CD1B: variants seen among roughly 807,000 people sequenced by gnomAD.
CD1B encodes the protein T-cell surface glycoprotein CD1b.
CD1B carries 43 observed loss-of-function variants against 39.8 expected under a neutral mutation model. The observed-to-expected ratio is 1.08, with a 90% confidence interval of 0.85 to 1.39. The LOEUF (loss-of-function observed/expected upper bound fraction) is 1.39, where lower values mean the gene tolerates loss of function less well. CD1B is among the 40% of genes most tolerant of loss of function. The probability of loss-of-function intolerance (pLI) is 0.00; values close to 1 mark genes in which losing one functional copy is unlikely to be tolerated. For missense variants in CD1B, 495 were observed against 403.8 expected (o/e 1.23, Z -1.94); for synonymous variants, 192 against 152.5 (o/e 1.26, Z -1.91).
chr1:158,320,432 C>T, the CD1B span, among the ~76,000 whole-genome samples: 1 of 152,160 alleles, frequency 6.6e-6, no homozygotes, highest in South Asian at 2.1e-4. Flanking sequence ...CAGGTGCCGT[C>T]CGTCACCCCT....
At chr1:158,319,072 C>A in the CD1B span, among the ~76,000 whole-genome samples, 1 of 151,656 alleles carries the variant, frequency 6.6e-6, no homozygotes, top group African/African-American at 2.4e-5. Context: ...GGTAACCCGA[C>A]CTTTCTCTCT....
At chr1:158,292,135 G>A in the CD1B span, 1 of 1,614,092 alleles carries the variant, frequency 6.2e-7, no homozygotes, top group Non-Finnish European at 8.5e-7. Flanking sequence ...TCTGGAAAGA[G>A]CCCAGAAGGC....
chr1:158,288,443 G>A, the CD1B span, among the ~76,000 whole-genome samples: 1 of 152,204 alleles, frequency 6.6e-6, no homozygotes, highest in African/African-American at 2.4e-5. Context: ...CCAGGCTGGA[G>A]TACAGTGACA....
At chr1:158,319,514 T>C in the CD1B span, among the ~76,000 whole-genome samples, 2 of 152,238 alleles carry the variant, frequency 1.3e-5, no homozygotes, top group African/African-American at 2.4e-5. Context: ...GTCAGCTCCA[T>C]CACTCCTTTA....
At chr1:158,320,399 C>T in the CD1B span, among the ~76,000 whole-genome samples, 101 of 152,226 alleles carry the variant, frequency 6.6e-4, 2 homozygotes, top group African/African-American at 2.2e-3. Flanking sequence ...GCGCAGTATT[C>T]GGGTGGGAGT....
the CD1B span, among the ~76,000 whole-genome samples, chr1:158,307,890 CA>C: frequency 7.4e-4 from 113 of 152,246 alleles, no homozygotes; most frequent in African/African-American, 2.6e-3. Flanking sequence ...ACTGAATGGG[CA>C]AAACCTGGAA....
At chr1:158,316,534 T>C in the CD1B span, among the ~76,000 whole-genome samples, 1 of 151,990 alleles carries the variant, frequency 6.6e-6, no homozygotes, top group African/African-American at 2.4e-5. Context: ...CTGAAGTTGC[T>C]TATCTGCTTA....
the CD1B span, among the ~76,000 whole-genome samples, chr1:158,314,070 T>A: frequency 6.6e-6 from 1 of 152,146 alleles, no homozygotes; most frequent in African/African-American, 2.4e-5. Flanking sequence ...ATTTGTCTAG[T>A]TAAAAGTTTG....
intron 2 of CD1B, 133 bp downstream of exon 2, chr1:158,330,663 C>T (rs760432843): frequency 2.2e-6 from 2 of 890,408 alleles, no homozygotes; most frequent in South Asian, 1.3e-5. Context: ...TGAGAGACTA[C>T]TCAAGAAAAG....
At position 158,329,630 on chromosome 1, in the gene CD1B, A is replaced by T; in HGVS notation, c.626T>A (p.Leu209Gln). 2 of 1,614,102 alleles carry T rather than the reference A, an allele frequency of 1.2e-6. No individual in the cohort carries two copies. Among genetic ancestry groups the T allele is most frequent in the Non-Finnish European group, 1.7e-6 (2 of 1,179,970 alleles). ...AGGTCCAGGACTGGGGCCACTGGAC[A>T]GCCAGGCCTCAGGCTTCACTAAGGC... ...LQRQVKPEAWLSSGPSPGPGR... is the reference protein window; with the variant it reads ...LQRQVKPEAWQSSGPSPGPGR... The change falls in exon 4 of 6, where the codon CTG becomes CAG. Residue 209 changes from leucine to glutamine, a missense_variant. Leu to Gln is a moderately radical substitution (Grantham distance 113). Coordinates refer to ENST00000368168, the MANE Select transcript of CD1B (RefSeq NM_001764.3).
At chr1:158,315,764 T>G in the CD1B span, among the ~76,000 whole-genome samples, 1 of 152,062 alleles carries the variant, frequency 6.6e-6, no homozygotes, top group Non-Finnish European at 1.5e-5. Flanking sequence ...TTGCCTAGGT[T>G]TTCTTGTAGG....
Position 158,331,371 on chromosome 1 carries a change from C to T in CD1B, c.53G>A (p.Ser18Asn), listed in dbSNP as rs184429811. The T allele has an allele frequency of 5.6e-5, 91 of 1,613,928 alleles. 1 individual carries two copies. The East Asian group carries it at 1.7e-3, about 30-fold the overall frequency. ...GCCAGAGTGACTCTTACCATGTTCACTGTTACCACCAGGAAAGAGAACAGC... is the reference window on the plus strand; with the variant it reads ...GCCAGAGTGACTCTTACCATGTTCATTGTTACCACCAGGAAAGAGAACAGC... ...LLAVLFPGGNSEHAFQGPTSF... is the reference protein window; with the variant it reads ...LLAVLFPGGNNEHAFQGPTSF... The change falls in exon 1 of 6, where the codon AGT becomes AAT. Residue 18 changes from serine (S) to asparagine (N), a missense_variant. Ser to Asn is a conservative substitution (Grantham distance 46). Transcript: ENST00000368168.
chr1:158,324,198 C>A (rs146508995), downstream of CD1B, among the ~76,000 whole-genome samples: 10 of 152,220 alleles, frequency 6.6e-5, no homozygotes, highest in East Asian at 1.9e-3. Flanking sequence ...TGGAGTGTAG[C>A]CAAGCCTTTT....
At chr1:158,304,625 T>G in the CD1B span, among the ~76,000 whole-genome samples, 1 of 152,144 alleles carries the variant, frequency 6.6e-6, no homozygotes, top group Non-Finnish European at 1.5e-5. Flanking sequence ...GATCTGAGAA[T>G]GGACAGAGTG....
chr1:158,328,185 C>T lies in CD1B; in HGVS notation c.*51G>A, dbSNP rs774123244. On this transcript the variant is annotated 3_prime_UTR_variant, in exon 6 of 6. Transcript: ENST00000368168. ...ATAAGATTGACTTTTGGGCTGATAT[C>T]TTGGGCTTCTTGGTACTTATTGCGA... The T allele has an allele frequency of 2.7e-6, 4 of 1,460,744 alleles. No individual in the cohort carries two copies. Among genetic ancestry groups the T allele is most frequent in the South Asian group, 2.4e-5 (2 of 84,302 alleles). 90.5% of individuals were successfully genotyped at this position (1,460,744 alleles called of 1,614,324 possible). A position where few individuals can be genotyped will look rare whatever the true frequency, so the allele number is the denominator to read the frequency against.
the CD1B span, among the ~76,000 whole-genome samples, chr1:158,312,797 G>A: frequency 1.3e-5 from 2 of 152,284 alleles, no homozygotes; most frequent in East Asian, 1.9e-4. Flanking sequence ...TCCACAAACA[G>A]GGATAATTTG....
the CD1B span, among the ~76,000 whole-genome samples, chr1:158,318,573 G>T: frequency 6.6e-6 from 1 of 152,004 alleles, no homozygotes. Context: ...ACGTGAGATG[G>T]GTTTCCTGAA....
At chr1:158,296,121 T>A in the CD1B span, among the ~76,000 whole-genome samples, 2 of 151,868 alleles carry the variant, frequency 1.3e-5, no homozygotes, top group African/African-American at 4.8e-5. Flanking sequence ...AGTACATGCA[T>A]GTGAGAGCAG....
the CD1B span, among the ~76,000 whole-genome samples, chr1:158,295,710 C>T: frequency 6.6e-6 from 1 of 151,920 alleles, no homozygotes; most frequent in Non-Finnish European, 1.5e-5. Flanking sequence ...TGGCCTCTCC[C>T]AGGATCCCTG....
Sources: allele counts gnomAD v4.1 joint callset (sites outside exome capture counted in the v4.1 genomes callset), GRCh38; gene constraint gnomAD v4.1.1; transcripts MANE v1.5; gene names NCBI Gene and HGNC (gene_info 2026-07-23, HGNC 2026-07-21).